Variants in RBFOX1 observed in about 807,000 individuals in gnomAD.
RBFOX1 encodes the protein RNA binding fox-1 homolog 1.
A neutral mutation model predicts 57.7 loss-of-function variants in RBFOX1; 8 were observed. The observed-to-expected ratio is 0.14, with a 90% confidence interval of 0.08 to 0.25. The LOEUF is 0.25. Among genes scored for constraint, RBFOX1 ranks in the 10% least tolerant of loss-of-function variants. The pLI is 1.00. For synonymous variants in RBFOX1, 326 were observed against 222.4 expected (o/e 1.47, Z -4.15); for missense variants, 611 against 548.5 (o/e 1.11, Z -1.14).
At chr16:7,658,982 C>A (rs994009080) in intron 12 of RBFOX1, among the ~76,000 whole-genome samples, 6 of 152,224 alleles carry the variant, frequency 3.9e-5, no homozygotes, top group African/African-American at 1.4e-4. Flanking sequence ...ACCTCAGCCT[C>A]CCAAAGTGCT....
Position 5,425,060 on chromosome 16 carries a change from C to T in RBFOX1, c.220-42156C>T, listed in dbSNP as rs548078064. On this transcript the variant is annotated intron_variant, in intron 1 of 2. Coordinates refer to the RBFOX1 transcript ENST00000585867. ...CCCTCTCTCTCTCTCTCCTTCCTTCCTTTCTTATCTATCTATCTATCTATC... is the reference window on the plus strand; with the variant it reads ...CCCTCTCTCTCTCTCTCCTTCCTTCTTTTCTTATCTATCTATCTATCTATC... Among the ~76,000 whole-genome samples the T allele has an allele frequency of 7.7e-5, 4 of 52,228 alleles. 1 individual carries two copies. In the East Asian group the frequency reaches 2.8e-3, roughly 36 times the overall value. 34.3% of individuals were successfully genotyped at this position (52,228 alleles called of 152,430 possible).
At chr16:5,349,688 T>G (rs1222449963) in intron 1 of RBFOX1, among the ~76,000 whole-genome samples, 2 of 152,012 alleles carry the variant, frequency 1.3e-5, no homozygotes, top group Non-Finnish European at 2.9e-5. Flanking sequence ...AAAAAAAAAC[T>G]TGTCAAGAGA....
chr16:7,085,366 A>T (rs117876008), intron 4 of RBFOX1, among the ~76,000 whole-genome samples: 2,267 of 152,274 alleles, frequency 0.015, 23 homozygotes, highest in African/African-American at 0.025. Context: ...TTCAAAAAAA[A>T]ATATATATGT....
At chr16:7,007,372 A>C (rs1177168592) in intron 3 of RBFOX1, among the ~76,000 whole-genome samples, 1 of 152,192 alleles carries the variant, frequency 6.6e-6, no homozygotes, top group Non-Finnish European at 1.5e-5. Context: ...AGCTGGAGAA[A>C]GTCTTGTGTT....
chr16:6,277,921 G>A (rs188949286), intron 1 of RBFOX1, among the ~76,000 whole-genome samples: 1 of 152,246 alleles, frequency 6.6e-6, no homozygotes, highest in Admixed American at 6.5e-5. Flanking sequence ...CGTGTAAGCT[G>A]TCTTTCACAG....
intron 3 of RBFOX1, among the ~76,000 whole-genome samples, chr16:6,778,899 A>G (rs1036736284): frequency 1.3e-5 from 2 of 152,002 alleles, no homozygotes; most frequent in African/African-American, 2.4e-5. Context: ...TGGTTATGGA[A>G]GAGTTGTACA....
chr16:7,661,252 G>T (rs1316819764), intron 12 of RBFOX1, among the ~76,000 whole-genome samples: 1 of 152,076 alleles, frequency 6.6e-6, no homozygotes, highest in Non-Finnish European at 1.5e-5. Context: ...TCCAATACAT[G>T]TGCACTTTGA....
chr16:5,558,285 C>G (rs1419769327), intron 2 of RBFOX1, among the ~76,000 whole-genome samples: 2 of 152,166 alleles, frequency 1.3e-5, no homozygotes, highest in Non-Finnish European at 2.9e-5. Flanking sequence ...AAAGAGCACA[C>G]TGTAACACAC....
At chr16:6,728,731 A>G (rs541658594) in intron 3 of RBFOX1, among the ~76,000 whole-genome samples, 1 of 152,362 alleles carries the variant, frequency 6.6e-6, no homozygotes, top group South Asian at 2.1e-4. Flanking sequence ...AATGCTCAAT[A>G]GAAGAAACAC....
chr16:5,885,877 G>A (rs1051606939), intron 4 of RBFOX1, among the ~76,000 whole-genome samples: 2 of 152,108 alleles, frequency 1.3e-5, no homozygotes, highest in Non-Finnish European at 2.9e-5. Context: ...TTGGCTCTGT[G>A]ACCCCACCCA....
At chr16:5,281,134 C>G (rs939683725) in intron 1 of RBFOX1, among the ~76,000 whole-genome samples, 1 of 151,982 alleles carries the variant, frequency 6.6e-6, no homozygotes, top group African/African-American at 2.4e-5. Flanking sequence ...TGATGTGTTT[C>G]CATTTTCTGT....
intron 3 of RBFOX1, among the ~76,000 whole-genome samples, chr16:7,010,683 C>A (rs2093612991): frequency 6.6e-6 from 1 of 152,102 alleles, no homozygotes; most frequent in East Asian, 1.9e-4. Flanking sequence ...CCTGCCTCAG[C>A]CTACCAAGTA....
Position 5,791,384 on chromosome 16 carries a change from T to G in RBFOX1, c.319-75919T>G, listed in dbSNP as rs572705004. Among the ~76,000 whole-genome samples, 4 of 152,318 alleles carry G rather than the reference T, an allele frequency of 2.6e-5. No homozygotes were observed. In the East Asian group the frequency reaches 7.7e-4, roughly 29 times the overall value. ...GTGATGACTCACCAGGAGTCATTAT[T>G]TTAAGGCCTTTACATGCAATCGCTT... On this transcript the variant is annotated intron_variant, in intron 3 of 19. Coordinates refer to the RBFOX1 transcript ENST00000641259.
intron 2 of RBFOX1, among the ~76,000 whole-genome samples, chr16:6,623,506 C>T (rs1406792338): frequency 1.3e-5 from 2 of 151,510 alleles, no homozygotes; most frequent in African/African-American, 4.9e-5. Context: ...AGGTTAGTTA[C>T]ATATGCATAC....
At chr16:5,414,427 T>C (rs1289567279) in intron 1 of RBFOX1, among the ~76,000 whole-genome samples, 1 of 152,334 alleles carries the variant, frequency 6.6e-6, no homozygotes, top group East Asian at 1.9e-4. Flanking sequence ...TGTCACTTTA[T>C]GAGAGATTTA....
At chr16:5,826,131 T>A (rs9746770) in intron 3 of RBFOX1, among the ~76,000 whole-genome samples, 21,442 of 83,882 alleles carry the variant, frequency 0.26, 1,650 homozygotes, top group African/African-American at 0.35. Context: ...ATAAGGAATA[T>A]TATTCCTTAT....
chr16:7,462,717 G>C (rs970632544), intron 4 of RBFOX1, among the ~76,000 whole-genome samples: 5 of 152,222 alleles, frequency 3.3e-5, no homozygotes. Flanking sequence ...TGGTGAGACT[G>C]AGGCCCTCAA....
At chr16:7,623,678 G>T (rs1280430011) in intron 10 of RBFOX1, among the ~76,000 whole-genome samples, 1 of 152,176 alleles carries the variant, frequency 6.6e-6, no homozygotes, top group Non-Finnish European at 1.5e-5. Flanking sequence ...GTGGCCCAGG[G>T]GTTGGGGAAC....
intron 5 of RBFOX1, among the ~76,000 whole-genome samples, chr16:7,534,339 C>G (rs111995399): frequency 6.6e-6 from 1 of 151,794 alleles, no homozygotes; most frequent in Non-Finnish European, 1.5e-5. Context: ...GTGATCCGCC[C>G]GTCTCAGCCT....
Sources: gnomAD v4.1 joint callset for allele counts (sites outside exome capture counted in the v4.1 genomes callset) on GRCh38, gnomAD v4.1.1 for gene constraint, MANE v1.5 for transcripts, NCBI Gene and HGNC (gene_info 2026-07-23, HGNC 2026-07-21) for gene names.